PAX3: variants seen among roughly 807,000 people sequenced by gnomAD.
PAX3 encodes the protein paired box protein Pax-3.
A neutral mutation model predicts 51.6 loss-of-function variants in PAX3; 14 were observed. The observed-to-expected ratio is 0.27, with a 90% CI of 0.18 to 0.42. The LOEUF is 0.42. PAX3 is among the 10% of genes least tolerant of loss of function. The pLI, the probability that PAX3 is intolerant of heterozygous loss-of-function variation, is 1.00. For synonymous variants in PAX3, 280 were observed against 253.4 expected (o/e 1.11, Z -1.00); for missense variants, 540 against 642.8 (o/e 0.84, Z 1.73).
intron 5 of PAX3, among the ~76,000 whole-genome samples, chr2:222,227,689 G>A (rs139641897): frequency 0.012 from 1,776 of 151,236 alleles, 32 homozygotes; most frequent in African/African-American, 0.04. Context: ...ATTAATAACA[G>A]CTACCCTCAT....
At chr2:222,253,861 C>T (rs1693534109) in intron 4 of PAX3, among the ~76,000 whole-genome samples, 2 of 152,072 alleles carry the variant, frequency 1.3e-5, no homozygotes, top group Admixed American at 6.5e-5. Context: ...CACTATGTTG[C>T]CCAGCCTGTT....
intron 5 of PAX3, among the ~76,000 whole-genome samples, chr2:222,227,348 C>T (rs964050234): frequency 6.6e-6 from 1 of 152,160 alleles, no homozygotes. Context: ...AATCTCAGCA[C>T]TTTGGGAGGC....
At chr2:222,250,014 T>C (rs945677546) in intron 4 of PAX3, among the ~76,000 whole-genome samples, 18 of 152,194 alleles carry the variant, frequency 1.2e-4, no homozygotes, top group African/African-American at 4.1e-4. Context: ...AGGTCATGGA[T>C]AGTTCAGAGA....
At chr2:222,242,687 C>T (rs896257015) in intron 4 of PAX3, 14 of 152,136 alleles carry the variant, frequency 9.2e-5, no homozygotes, top group African/African-American at 3.1e-4. Flanking sequence ...ATATCACAAC[C>T]CTGTAAATCA....
At chr2:222,250,525 T>A (rs1315931808) in intron 4 of PAX3, among the ~76,000 whole-genome samples, 1 of 152,138 alleles carries the variant, frequency 6.6e-6, no homozygotes, top group Non-Finnish European at 1.5e-5. Context: ...AAAGGTATTA[T>A]GAAAAAGGGA....
chr2:222,216,095 C>A (rs80009924), intron 7 of PAX3, among the ~76,000 whole-genome samples: 3,224 of 152,224 alleles, frequency 0.021, 106 homozygotes, highest in African/African-American at 0.074. Flanking sequence ...GCCATTCAAC[C>A]ATGGCTGCAA....
intron 7 of PAX3, among the ~76,000 whole-genome samples, chr2:222,216,101 T>C (rs1691947109): frequency 6.6e-6 from 1 of 152,156 alleles, no homozygotes; most frequent in Admixed American, 6.5e-5. Flanking sequence ...CAACCATGGC[T>C]GCAAGAAAAT....
chr2:222,231,365 T>C (rs576956206), intron 5 of PAX3, among the ~76,000 whole-genome samples: 110 of 152,366 alleles, frequency 7.2e-4, no homozygotes, highest in Non-Finnish European at 1.2e-3. Context: ...AGTTCTTCAT[T>C]AATGATGAAA....
intron 4 of PAX3, among the ~76,000 whole-genome samples, chr2:222,292,550 G>A (rs777603066): frequency 3.9e-5 from 6 of 152,192 alleles, no homozygotes; most frequent in Admixed American, 2.0e-4. Flanking sequence ...TGCCAGCGCC[G>A]GAGCCTCCAG....
intron 8 of PAX3, 53 bp from the exon 9 acceptor site, chr2:222,201,495 A>C (rs552446828): frequency 6.2e-7 from 1 of 1,608,248 alleles, no homozygotes; most frequent in East Asian, 2.2e-5. Context: ...ATTCACAGTC[A>C]GGGGCAAGAT....
At chr2:222,256,175 C>G (rs1299540911) in intron 4 of PAX3, among the ~76,000 whole-genome samples, 1 of 152,092 alleles carries the variant, frequency 6.6e-6, no homozygotes, top group Non-Finnish European at 1.5e-5. Flanking sequence ...CTCCTTTCTT[C>G]CTCTGCTATT....
intron 4 of PAX3, among the ~76,000 whole-genome samples, chr2:222,247,273 T>G (rs1351905594): frequency 2.6e-5 from 4 of 152,182 alleles, no homozygotes; most frequent in African/African-American, 9.6e-5. Flanking sequence ...TTTAAGCCTC[T>G]GCACAGAGAG....
At position 222,202,193 on chromosome 2, in the gene PAX3, A is replaced by G. The variant is rs777589209; in HGVS notation, c.1174-3T>C. On this transcript the variant is annotated splice_region_variant and splice_polypyrimidine_tract_variant and intron_variant, in intron 7 of 8. Coordinates refer to ENST00000392070, the MANE Select transcript of PAX3 (RefSeq NM_181458.4). ...TGGTTGGTCAGGAGTCCCATTACCT[A>G]AAAAAACAGCCAGATTGGGAAGAGG... 5 of 1,578,884 alleles carry G rather than the reference A, an allele frequency of 3.2e-6. No individual in the cohort carries two copies. In the South Asian group the frequency reaches 5.7e-5, roughly 18 times the overall value.
chr2:222,202,932 C>CGAAT (rs1691356470), intron 7 of PAX3, among the ~76,000 whole-genome samples: 1 of 144,304 alleles, frequency 6.9e-6, no homozygotes, highest in Non-Finnish European at 1.5e-5. Flanking sequence ...TATTAAGTGC[C>CGAAT]GAATGAATGA....
chr2:222,236,535 A>G (rs930121551), intron 4 of PAX3, among the ~76,000 whole-genome samples: 1 of 152,238 alleles, frequency 6.6e-6, no homozygotes, highest in African/African-American at 2.4e-5. Flanking sequence ...AGATACAAAG[A>G]ATCTAATTCT....
chr2:222,246,035 G>T, intron 4 of PAX3, among the ~76,000 whole-genome samples: 1 of 152,034 alleles, frequency 6.6e-6, no homozygotes, highest in East Asian at 1.9e-4. Flanking sequence ...AGCAAAGAAG[G>T]ATAGAAAATA....
intron 8 of PAX3, 117 bp from the exon 9 acceptor site, chr2:222,201,559 C>G: frequency 7.0e-7 from 1 of 1,431,154 alleles, no homozygotes; most frequent in Non-Finnish European, 9.8e-7. Context: ...AGGCTTGAGA[C>G]TAATATTTTT....
At chr2:222,232,022 G>A in intron 5 of PAX3, 56 bp downstream of exon 5, 1 of 1,498,396 alleles carries the variant, frequency 6.7e-7, no homozygotes, top group Non-Finnish European at 9.3e-7. Context: ...ATGAGAAGAT[G>A]CTTGTTTGTT....
chr2:222,200,531 G>A lies in PAX3; in HGVS notation c.*877C>T, dbSNP rs986873971. On this transcript the variant is annotated 3_prime_UTR_variant, in exon 9 of 9. Coordinates refer to ENST00000392070, the MANE Select transcript of PAX3 (RefSeq NM_181458.4). ...ATATACTTCTGATTTTGCTTATATC[G>A]CCTTGGGCATTGCCAAAGCATCCAT... is the stretch of plus-strand genomic sequence containing the variant. 12 of 230,198 alleles carry A rather than the reference G, an allele frequency of 5.2e-5. No homozygotes were observed. Among genetic ancestry groups the A allele is most frequent in the African/African-American group, 1.3e-4 (6 of 45,080 alleles). The allele number at this position is 230,198 out of a possible 1,614,324, so 14.3% of individuals were successfully genotyped here. A position where few individuals can be genotyped will look rare whatever the true frequency, so the allele number is the denominator to read the frequency against.
Sources: allele counts gnomAD v4.1 joint callset (sites outside exome capture counted in the v4.1 genomes callset), GRCh38; gene constraint gnomAD v4.1.1; transcripts MANE v1.5; gene names NCBI Gene and HGNC (gene_info 2026-07-23, HGNC 2026-07-21).